Variants in PCDHAC2 observed in about 807,000 individuals in gnomAD.
PCDHAC2 encodes protocadherin alpha subfamily C, 2.
A neutral mutation model predicts 63.3 loss-of-function variants in PCDHAC2; 24 were observed. The ratio of observed to expected loss-of-function variants is 0.38; its 90% CI spans 0.27 to 0.53. PCDHAC2 has a LOEUF of 0.53. PCDHAC2 is among the 20% of genes least tolerant of loss of function. PCDHAC2 has a pLI of 0.81. For missense variants in PCDHAC2, 1,181 were observed against 1,275.2 expected (o/e 0.93, Z 1.12); for synonymous variants, 569 against 529.4 (o/e 1.07, Z -1.03).
rs372766707 is a variant in PCDHAC2, at chr5:140,968,419, T to C, written c.1653T>C (p.Ala551=). The C allele has an allele frequency of 2.3e-5, 37 of 1,613,898 alleles. No homozygotes were observed. Among genetic ancestry groups the C allele is most frequent in the Non-Finnish European group, 3.0e-5 (35 of 1,180,012 alleles). The change falls in exon 1 of 4, where the codon GCT becomes GCC. Residue 551 remains alanine (A), a synonymous_variant. Coordinates refer to ENST00000289269, the MANE Select transcript of PCDHAC2 (RefSeq NM_018899.6). ...GGGAGTTCTTTGTGACTGTGGAGGCTCAGGACAAGGGGAGCCCACCACTGA... is the reference window on the plus strand; with the variant it reads ...GGGAGTTCTTTGTGACTGTGGAGGCCCAGGACAAGGGGAGCCCACCACTGA... ...KFREFFVTVE[A]QDKGSPPLSS...
Position 140,979,003 on chromosome 5 carries a change from C to G in PCDHAC2, c.2620C>G (p.His874Asp). ...RYSASLRAGM[H>D]SSVHLEEAGI... Reference sequence around the variant, plus strand: ...CTCTGCCTCCCTGAGAGCAGGCATGCACAGGTATGTATTTCCCTCCTCATT... The same window carrying G: ...CTCTGCCTCCCTGAGAGCAGGCATGGACAGGTATGTATTTCCCTCCTCATT... The change falls in exon 2 of 4, where the codon CAC becomes GAC. Residue 874 changes from histidine (H) to aspartate (D), a missense_variant. By Grantham distance (81) the His-to-Asp change is moderately conservative. Transcript: ENST00000289269. 1.2e-6 allele frequency: 2 copies of G among 1,614,144 alleles called. No homozygotes were observed. The highest frequency in any genetic ancestry group is 1.7e-6 in the Non-Finnish European group (2 of 1,180,022).
At chr5:140,984,945 C>A (rs1316955910) in intron 3 of PCDHAC2, among the ~76,000 whole-genome samples, 1 of 149,212 alleles carries the variant, frequency 6.7e-6, no homozygotes, top group Non-Finnish European at 1.5e-5. Flanking sequence ...AATGTCTAAT[C>A]TTTTTTTTTT....
rs782466677 is a variant in PCDHAC2 at position 140,967,461 on chromosome 5, G to A, written c.695G>A (p.Gly232Glu). Residue 232 changes from glycine to glutamate, a missense_variant, in exon 1 of 4, where the codon GGG (glycine) becomes GAG (glutamate). Physicochemically the swap from Gly to Glu is moderately conservative, Grantham distance 98. This residue lies in a region of PCDHAC2 where 968 missense variants were observed against 1,073.5 expected (regional missense o/e 0.90). Transcript: ENST00000289269. ...CACCTGGTTCTCACAGCCGTGGATG[G>A]GGGCATCCCAGCCCGCTCGGGTACG... The part of the protein sequence containing the change: ...LHHLVLTAVD[G>E]GIPARSGTAQ... 11 of 1,613,572 alleles carry A rather than the reference G, an allele frequency of 6.8e-6. No individual in the cohort carries two copies. Among genetic ancestry groups the A allele is most frequent in the Non-Finnish European group, 8.5e-6 (10 of 1,179,858 alleles).
intron 1 of PCDHAC2, among the ~76,000 whole-genome samples, chr5:140,971,432 A>G (rs1446143040): frequency 6.6e-6 from 1 of 152,226 alleles, no homozygotes; most frequent in African/African-American, 2.4e-5. Context: ...AAGAACCCCA[A>G]GATCTACAGC....
intron 3 of PCDHAC2, among the ~76,000 whole-genome samples, chr5:141,006,484 A>T (rs1028996250): frequency 9.9e-5 from 15 of 152,130 alleles, no homozygotes; most frequent in Non-Finnish European, 7.4e-5. Flanking sequence ...AAGTGCTGGG[A>T]TTACATGTGT....
At position 140,994,426 on chromosome 5, in the gene PCDHAC2, G is replaced by A. The variant is rs994056098; in HGVS notation, c.2713+11863G>A. Among the ~76,000 whole-genome samples the A allele has an allele frequency of 3.9e-5, 6 of 152,110 alleles. No homozygotes were observed. In the East Asian group the frequency reaches 1.2e-3, roughly 29 times the overall value. ...CATTTAATACTGGATATTGAGGCCG[G>A]GCGCAGTGGCTCACACCTGTGATCC... On this transcript the variant is annotated intron_variant, in intron 3 of 3. Coordinates refer to ENST00000289269, the MANE Select transcript of PCDHAC2 (RefSeq NM_018899.6).
At chr5:140,989,928 A>T (rs2097366853) in intron 3 of PCDHAC2, among the ~76,000 whole-genome samples, 1 of 152,032 alleles carries the variant, frequency 6.6e-6, no homozygotes, top group African/African-American at 2.4e-5. Context: ...GCAGAGATAG[A>T]TGACATTCCA....
intron 3 of PCDHAC2, among the ~76,000 whole-genome samples, chr5:140,990,611 G>A (rs577900189): frequency 6.6e-6 from 1 of 152,116 alleles, no homozygotes; most frequent in Non-Finnish European, 1.5e-5. Context: ...GATGAATACC[G>A]TAAAGGTCTG....
At chr5:140,999,419 G>A (rs2097856786) in intron 3 of PCDHAC2, among the ~76,000 whole-genome samples, 1 of 152,182 alleles carries the variant, frequency 6.6e-6, no homozygotes, top group Non-Finnish European at 1.5e-5. Flanking sequence ...TGGGAGCTAA[G>A]AGGCCAAGTA....
chr5:141,002,494 C>CGGT (rs2098083464), intron 3 of PCDHAC2, among the ~76,000 whole-genome samples: 1 of 152,228 alleles, frequency 6.6e-6, no homozygotes, highest in Admixed American at 6.5e-5. Flanking sequence ...CCTTGTTATA[C>CGGT]AGCTCAGGAT....
chr5:140,993,631 G>A (rs1466996708), intron 3 of PCDHAC2, among the ~76,000 whole-genome samples: 2 of 152,162 alleles, frequency 1.3e-5, no homozygotes, highest in African/African-American at 2.4e-5. Context: ...ATATATAGTC[G>A]TGTACCAAAT....
chr5:140,968,637 T>C lies in PCDHAC2; in HGVS notation c.1871T>C (p.Leu624Pro). 1 of 1,614,208 alleles carries C rather than the reference T, an allele frequency of 6.2e-7. No individual in the cohort carries two copies. ...CAAAATGCTTGGCTTTTTTACCATC[T>C]AGCCCAGACTTCTGACCTGGACCTC... is the stretch of plus-strand genomic sequence containing the variant. ...SGQNAWLFYHLAQTSDLDLFK... is the reference protein window; with the variant it reads ...SGQNAWLFYHPAQTSDLDLFK... Residue 624 changes from leucine to proline, a missense_variant, in exon 1 of 4, where the codon CTA (leucine) becomes CCA (proline). Transcript: ENST00000289269.
At chr5:140,992,416 C>T (rs3776107) in intron 3 of PCDHAC2, among the ~76,000 whole-genome samples, 9,821 of 152,168 alleles carry the variant, frequency 0.065, 355 homozygotes, top group East Asian at 0.12. Context: ...TGCCCCAGGT[C>T]TAAGAATATT....
At chr5:141,002,557 CAGTT>C (rs2098085452) in intron 3 of PCDHAC2, among the ~76,000 whole-genome samples, 1 of 152,180 alleles carries the variant, frequency 6.6e-6, no homozygotes, top group South Asian at 2.1e-4. Flanking sequence ...CAGGATCCAC[CAGTT>C]AGTGACCATG....
chr5:140,993,819 G>A (rs2097583362), intron 3 of PCDHAC2, among the ~76,000 whole-genome samples: 1 of 152,142 alleles, frequency 6.6e-6, no homozygotes, highest in Non-Finnish European at 1.5e-5. Context: ...AGGAGCAATA[G>A]GCTATACCAT....
intron 3 of PCDHAC2, chr5:140,989,125 T>G (rs2097330563): frequency 6.6e-6 from 1 of 152,152 alleles, no homozygotes; most frequent in Non-Finnish European, 1.5e-5. Context: ...CTTAGAAAAA[T>G]AAGACACTTT....
chr5:140,978,377 G>A (rs1382683424), intron 1 of PCDHAC2, among the ~76,000 whole-genome samples: 3 of 152,212 alleles, frequency 2.0e-5, no homozygotes, highest in Non-Finnish European at 4.4e-5. Context: ...GCAATAGTTT[G>A]TTTTCCTCTC....
At chr5:140,974,815 A>G (rs990559310) in intron 1 of PCDHAC2, among the ~76,000 whole-genome samples, 3 of 152,188 alleles carry the variant, frequency 2.0e-5, no homozygotes, top group Non-Finnish European at 4.4e-5. Context: ...GAAGACCAAT[A>G]TGCAACATAA....
intron 2 of PCDHAC2, 87 bp downstream of exon 2, chr5:140,979,094 T>C (rs1203462119): frequency 6.4e-7 from 1 of 1,551,870 alleles, no homozygotes; most frequent in Non-Finnish European, 8.7e-7. Flanking sequence ...CAGAAGCAGC[T>C]GTCAAAACTA....
Sources: gnomAD v4.1 joint callset for allele counts (sites outside exome capture counted in the v4.1 genomes callset) on GRCh38, gnomAD v4.1.1 for gene constraint, gnomAD v4.1.1 regional missense constraint, MANE v1.5 for transcripts, NCBI Gene and HGNC (gene_info 2026-07-23, HGNC 2026-07-21) for gene names.